The following CSMD1 variants were observed in gnomAD, a reference collection of about 807,000 sequenced individuals.
The protein encoded by CSMD1 is CUB and Sushi multiple domains 1.
Under a neutral mutation model 417.5 loss-of-function variants are expected in CSMD1, and 213 were observed. The observed-to-expected ratio is 0.51, with a 90% confidence interval of 0.46 to 0.57. CSMD1 has a LOEUF of 0.57. Ranked by LOEUF, CSMD1 falls within the 20% of genes least tolerant of loss-of-function variation. The pLI is 0.00. For missense variants in CSMD1, 6,923 were observed against 4,529.7 expected (o/e 1.53, Z -15.17); for synonymous variants, 2,862 against 1,736.8 (o/e 1.65, Z -16.11).
intron 26 of CSMD1, among the ~76,000 whole-genome samples, chr8:3,260,076 T>C (rs143240066): frequency 1.5e-3 from 225 of 152,308 alleles, no homozygotes; most frequent in African/African-American, 5.2e-3. Flanking sequence ...TGAAATAATT[T>C]TTTTGCATTT....
intron 1 of CSMD1, among the ~76,000 whole-genome samples, chr8:4,924,579 T>C (rs1194874178): frequency 1.3e-5 from 2 of 151,774 alleles, no homozygotes; most frequent in Non-Finnish European, 2.9e-5. Context: ...AAAATTAGCC[T>C]GGTGTGGTGG....
intron 1 of CSMD1, among the ~76,000 whole-genome samples, chr8:4,849,287 CAA>C (rs964537809): frequency 4.0e-5 from 6 of 151,674 alleles, no homozygotes; most frequent in African/African-American, 1.5e-4. Flanking sequence ...TGTGTTATTA[CAA>C]AAGAGTCACA....
At chr8:3,438,414 C>G (rs1814717441) in intron 12 of CSMD1, among the ~76,000 whole-genome samples, 1 of 152,134 alleles carries the variant, frequency 6.6e-6, no homozygotes, top group Non-Finnish European at 1.5e-5. Flanking sequence ...GATAGCTACA[C>G]TTACTTTGGC....
At chr8:4,810,040 A>G (rs138989241) in intron 1 of CSMD1, among the ~76,000 whole-genome samples, 1 of 152,358 alleles carries the variant, frequency 6.6e-6, no homozygotes, top group African/African-American at 2.4e-5. Context: ...TTAGCTCAAT[A>G]TAAATGTTAT....
rs142403703 is a variant in CSMD1, at chr8:4,063,486, T to C, written c.416-31387A>G. Among the ~76,000 whole-genome samples the C allele has an allele frequency of 3.9e-3, 601 of 152,312 alleles. 2 individuals carry two copies. The highest frequency in any genetic ancestry group is 0.01 in the Middle Eastern group (3 of 294). ...ATATACCATGTCTTATATGCGTCTA[T>C]TAAATAAAACAAAACAGAACTATTC... On this transcript the variant is annotated intron_variant, in intron 3 of 69. Coordinates refer to ENST00000635120, the MANE Select transcript of CSMD1 (RefSeq NM_033225.6).
At chr8:4,390,868 C>G (rs9773692) in intron 3 of CSMD1, among the ~76,000 whole-genome samples, 1 of 151,962 alleles carries the variant, frequency 6.6e-6, no homozygotes, top group East Asian at 1.9e-4. Context: ...AGGTGTACCT[C>G]ACATGTTTCA....
chr8:3,946,981 T>G (rs964273224), intron 5 of CSMD1, among the ~76,000 whole-genome samples: 21 of 152,204 alleles, frequency 1.4e-4, no homozygotes, highest in South Asian at 2.1e-4. Context: ...TCACATCATA[T>G]AAATAAATAC....
chr8:3,339,857 T>C (rs1585023018), intron 23 of CSMD1, among the ~76,000 whole-genome samples: 2 of 152,280 alleles, frequency 1.3e-5, no homozygotes, highest in East Asian at 3.9e-4. Context: ...TGGACATCAT[T>C]ATACACCAGA....
intron 2 of CSMD1, among the ~76,000 whole-genome samples, chr8:4,598,717 G>A (rs887114145): frequency 6.6e-6 from 1 of 152,158 alleles, no homozygotes. Flanking sequence ...GTGCCAGTGT[G>A]GGTACTGGTA....
At chr8:4,243,837 A>T (rs1056811678) in intron 3 of CSMD1, among the ~76,000 whole-genome samples, 2 of 152,206 alleles carry the variant, frequency 1.3e-5, no homozygotes, top group Non-Finnish European at 2.9e-5. Context: ...GATGTATAAG[A>T]AAACAGAGTA....
chr8:3,586,012 CATACAT>C lies in CSMD1; in HGVS notation c.1222+118_1222+123del, dbSNP rs370385541. 1.3e-3 allele frequency: 1,277 copies of C among 980,016 alleles called. 10 individuals carry two copies. The African/African-American group carries it at 0.018, about 14-fold the overall frequency. 60.7% of individuals were successfully genotyped at this position (980,016 alleles called of 1,614,324 possible). On this transcript the variant is annotated intron_variant, in intron 9 of 69. Transcript: ENST00000635120. Reference sequence around the variant, plus strand: ...GTTATTACCCACATCACTATGAAAACATACATTACTACCGAATTCTACTCTTCCCAT... The same window carrying C: ...GTTATTACCCACATCACTATGAAAACTACTACCGAATTCTACTCTTCCCAT...
intron 20 of CSMD1, among the ~76,000 whole-genome samples, chr8:3,363,559 G>A (rs190860372): frequency 5.3e-5 from 8 of 151,030 alleles, no homozygotes; most frequent in Non-Finnish European, 7.4e-5. Context: ...ACCGAGTCTC[G>A]CTGTATTGCC....
At chr8:4,796,083 T>C (rs1563411145) in intron 1 of CSMD1, among the ~76,000 whole-genome samples, 3 of 152,104 alleles carry the variant, frequency 2.0e-5, no homozygotes, top group Admixed American at 2.0e-4. Context: ...CAAAGACAAG[T>C]AAATGTTCTT....
At chr8:4,331,784 T>A (rs926131617) in intron 3 of CSMD1, among the ~76,000 whole-genome samples, 4 of 152,326 alleles carry the variant, frequency 2.6e-5, no homozygotes, top group African/African-American at 9.6e-5. Context: ...AGGAGAGGTT[T>A]TTGTATTTGA....
chr8:3,907,856 G>A lies in CSMD1; in HGVS notation c.818+90047C>T, dbSNP rs115829809. 1.8e-3 allele frequency among the ~76,000 whole-genome samples: 273 copies of A among 152,294 alleles called. 2 individuals carry two copies. The highest frequency in any genetic ancestry group is 6.2e-3 in the African/African-American group (259 of 41,568). Reference sequence around the variant, plus strand: ...CTCATCATCAACTCTGTGCTCTGCGGTCCAGGCAAATAACTTTCTCTCTTC... The same window carrying A: ...CTCATCATCAACTCTGTGCTCTGCGATCCAGGCAAATAACTTTCTCTCTTC... On this transcript the variant is annotated intron_variant, in intron 5 of 69. Transcript: ENST00000635120.
intron 2 of CSMD1, among the ~76,000 whole-genome samples, chr8:4,479,849 C>A (rs1800992208): frequency 1.3e-5 from 2 of 151,830 alleles, no homozygotes; most frequent in Non-Finnish European, 2.9e-5. Flanking sequence ...TCCTTTAGTT[C>A]CAGCTACTCG....
chr8:3,408,130 T>A lies in CSMD1; in HGVS notation c.1840A>T (p.Ile614Phe), dbSNP rs1812464822. ...ATTCGACTTCCTGGCTCCGAGATAA[T>A]CAACCAGACACAGTTCATGTTGTTC... ...YGNNMNCVWL[I>F]ISEPGSRIHL... The change falls in exon 14 of 70, where the codon ATT becomes TTT. Residue 614 changes from isoleucine (I) to phenylalanine (F), a missense_variant. Physicochemically the swap from Ile to Phe is conservative, Grantham distance 21. Coordinates refer to ENST00000635120, the MANE Select transcript of CSMD1 (RefSeq NM_033225.6). The A allele has an allele frequency of 6.2e-7, 1 of 1,613,618 alleles. No individual in the cohort carries two copies. The highest frequency in any genetic ancestry group is 1.1e-5 in the South Asian group (1 of 91,032).
At chr8:4,895,191 T>G (rs1340506815) in intron 1 of CSMD1, among the ~76,000 whole-genome samples, 1 of 152,154 alleles carries the variant, frequency 6.6e-6, no homozygotes, top group Non-Finnish European at 1.5e-5. Flanking sequence ...GGTTCAATAA[T>G]AACAAAAAAC....
At chr8:3,138,728 G>A (rs1050040874) in intron 41 of CSMD1, among the ~76,000 whole-genome samples, 2 of 152,190 alleles carry the variant, frequency 1.3e-5, no homozygotes, top group Non-Finnish European at 2.9e-5. Context: ...GTGGCTGCTG[G>A]AGATATTTCA....
Sources: allele counts gnomAD v4.1 joint callset (sites outside exome capture counted in the v4.1 genomes callset), GRCh38; gene constraint gnomAD v4.1.1; transcripts MANE v1.5; gene names NCBI Gene and HGNC (gene_info 2026-07-23, HGNC 2026-07-21).